STAR: variants seen among roughly 807,000 people sequenced by gnomAD.
The protein encoded by STAR is steroidogenic acute regulatory protein.
Under a neutral mutation model 32.3 loss-of-function variants are expected in STAR, and 32 were observed. That is an observed-to-expected ratio of 0.99 (90% CI 0.75 to 1.33). The LOEUF is 1.33. Ranked by LOEUF, STAR falls within the 40% of genes most tolerant of loss-of-function variation. STAR has a pLI of 0.00. For missense variants in STAR, 375 were observed against 379.0 expected (o/e 0.99, Z 0.09); for synonymous variants, 134 against 140.5 (o/e 0.95, Z 0.33).
Position 38,144,278 on chromosome 8 carries a change from AC to A in STAR, c.852del (p.Arg284SerfsTer37). 6.2e-7 allele frequency: 1 copy of A among 1,608,328 alleles called. No homozygotes were observed. Among genetic ancestry groups the A allele is most frequent in the Non-Finnish European group, 8.5e-7 (1 of 1,177,540 alleles). On this transcript the variant is annotated frameshift_variant, in exon 7 of 7. Transcript: ENST00000276449. LOFTEE classifies it high-confidence loss of function. ...TGGGAACAGCAGGCTGGTCTTCAAC[AC>A]CTGGCTTCAGAGGCAGGGTGGGACT... ...RLESHPASEA[R>X]C
At chr8:38,147,567 A>G (rs1490271934) in intron 3 of STAR, among the ~76,000 whole-genome samples, 3 of 152,250 alleles carry the variant, frequency 2.0e-5, no homozygotes, top group African/African-American at 7.2e-5. Context: ...CTCCCAAACT[A>G]GTAGTCTGTT....
chr8:38,146,113 G>A lies in STAR; in HGVS notation c.500C>T (p.Thr167Ile). 1 of 1,614,158 alleles carries A rather than the reference G, an allele frequency of 6.2e-7. No individual in the cohort carries two copies. Among genetic ancestry groups the A allele is most frequent in the Non-Finnish European group, 8.5e-7 (1 of 1,180,004 alleles). Residue 167 changes from threonine (T) to isoleucine (I), a missense_variant, in exon 5 of 7, where the codon ACT becomes ATT. By Grantham distance (89) the Thr-to-Ile change is moderately conservative. Transcript: ENST00000276449. Reference sequence around the variant, plus strand: ...TGCTGCCTCGGCAGCCAGCTCGTGAGTAATGAATGTATCTTTTCCGATCTT... The same window carrying A: ...TGCTGCCTCGGCAGCCAGCTCGTGAATAATGAATGTATCTTTTCCGATCTT... ...LQKIGKDTFI[T>I]HELAAEAAGN...
At chr8:38,144,737 C>T in intron 6 of STAR, 1 of 926,884 alleles carries the variant, frequency 1.1e-6, no homozygotes, top group Non-Finnish European at 1.4e-6. Context: ...CAGAAGAGGG[C>T]CAGGCGCAGT....
At chr8:38,146,579 C>T (rs1802578350) in intron 3 of STAR, 132 bp from the exon 4 acceptor site, 1 of 957,492 alleles carries the variant, frequency 1.0e-6, no homozygotes, top group Non-Finnish European at 1.6e-6. Flanking sequence ...AGTTCGAGAC[C>T]AGCCTGGCCA....
chr8:38,143,017 C>T lies in STAR; in HGVS notation c.*1256G>A, dbSNP rs1802493610. On this transcript the variant is annotated 3_prime_UTR_variant, in exon 7 of 7. Coordinates refer to ENST00000276449, the MANE Select transcript of STAR (RefSeq NM_000349.3). Reference sequence around the variant, plus strand: ...AATGTTAACTAATATTGTTTATCCTCTCATATTTGGCACTGCCTTTCCTTT... The same window carrying T: ...AATGTTAACTAATATTGTTTATCCTTTCATATTTGGCACTGCCTTTCCTTT... Among the ~76,000 whole-genome samples the T allele has an allele frequency of 6.6e-6, 1 of 152,286 alleles. No homozygotes were observed. The highest frequency in any genetic ancestry group is 2.4e-5 in the African/African-American group (1 of 41,564).
Position 38,148,221 on chromosome 8 carries a change from G to A in STAR, c.285C>T (p.Gly95=). The A allele has an allele frequency of 6.2e-7, 1 of 1,614,026 alleles. No individual in the cohort carries two copies. Among genetic ancestry groups the A allele is most frequent in the Non-Finnish European group, 8.5e-7 (1 of 1,179,974 alleles). The part of the protein sequence containing the change: ...KALGILSNQE[G]WKKESQQDNG... ...TTACCTGCTGACTCTCCTTCTTCCA[G>A]CCCTCTTGGTTGCTAAGGATGCCCA... is the stretch of plus-strand genomic sequence containing the variant. The change falls in exon 3 of 7, where the codon GGC becomes GGT. Residue 95 remains glycine, a synonymous_variant. Coordinates refer to ENST00000276449, the MANE Select transcript of STAR (RefSeq NM_000349.3).
At position 38,143,230 on chromosome 8, in the gene STAR, GC is replaced by G. The variant is rs762687747; in HGVS notation, c.*1042del. Among the ~76,000 whole-genome samples, 2 of 151,816 alleles carry G rather than the reference GC, an allele frequency of 1.3e-5. No homozygotes were observed. Among genetic ancestry groups the G allele is most frequent in the Non-Finnish European group, 2.9e-5 (2 of 67,984 alleles). ...CCAGTAGTTCCTTTCCTTTTAATGAGCCTTAATTTAGTTTGACTAATTAAAA... is the reference window on the plus strand; with the variant it reads ...CCAGTAGTTCCTTTCCTTTTAATGAGCTTAATTTAGTTTGACTAATTAAAA... On this transcript the variant is annotated 3_prime_UTR_variant, in exon 7 of 7. Transcript: ENST00000276449.
At chr8:38,150,526 A>G (rs1802649180) in intron 1 of STAR, among the ~76,000 whole-genome samples, 1 of 152,032 alleles carries the variant, frequency 6.6e-6, no homozygotes, top group Non-Finnish European at 1.5e-5. Flanking sequence ...AGAAAAGGAG[A>G]AAAAAAGATT....
In STAR at chr8:38,144,087, T is replaced by A. The variant is rs1335735433; in HGVS notation, c.*186A>T. ...GTTACCTTTTAATCCAAGAGCCTCA[T>A]CCCTGTTTTCTTGGTACTAAAAACT... On this transcript the variant is annotated 3_prime_UTR_variant, in exon 7 of 7. Transcript: ENST00000276449. 9.3e-6 allele frequency: 6 copies of A among 647,762 alleles called. No homozygotes were observed. The highest frequency in any genetic ancestry group is 1.7e-5 in the Non-Finnish European group (6 of 354,922). The allele number at this position is 647,762 out of a possible 1,614,324, so 40.1% of individuals were successfully genotyped here.
At position 38,146,282 on chromosome 8, in the gene STAR, T is replaced by G. The variant is rs769887682; in HGVS notation, c.465+7A>C. The stretch of plus-strand genomic sequence containing the variant: ...GCCCCTGCCACCTGCACCTGGACTT[T>G]GCTCACCTTGATCTCCTTGACATTG... On this transcript the variant is annotated splice_region_variant and intron_variant, in intron 4 of 6. Transcript: ENST00000276449. 1 of 1,613,990 alleles carries G rather than the reference T, an allele frequency of 6.2e-7. No individual in the cohort carries two copies. Among genetic ancestry groups the G allele is most frequent in the South Asian group, 1.1e-5 (1 of 91,088 alleles).
At chr8:38,145,467 G>A in intron 5 of STAR, 152 bp from the exon 6 acceptor site, 7 of 1,044,238 alleles carry the variant, frequency 6.7e-6, no homozygotes, top group Non-Finnish European at 8.6e-6. Flanking sequence ...GTAATTATTT[G>A]GCAGTTGGCA....
In STAR at chr8:38,148,632, A is replaced by G. The variant is rs777624416; in HGVS notation, c.178+9T>C. On this transcript the variant is annotated intron_variant, in intron 2 of 6. Transcript: ENST00000276449. ...GCAGCACCAGGAGCCCAGAAGCCTC[A>G]GCACTTACCGAGTAGAGAGCTCCGC... The G allele has an allele frequency of 6.6e-5, 106 of 1,613,426 alleles. No homozygotes were observed. Among genetic ancestry groups the G allele is most frequent in the Non-Finnish European group, 8.7e-5 (103 of 1,179,546 alleles).
intron 6 of STAR, 100 bp downstream of exon 6, chr8:38,145,122 C>T (rs1802543593): frequency 1.9e-6 from 3 of 1,565,000 alleles, no homozygotes; most frequent in Non-Finnish European, 8.6e-7. Flanking sequence ...GTGATTCTAT[C>T]AGAATAGAAG....
At position 38,148,222 on chromosome 8, in the gene STAR, C is replaced by T; in HGVS notation, c.284G>A (p.Gly95Asp). ...TACCTGCTGACTCTCCTTCTTCCAG[C>T]CCTCTTGGTTGCTAAGGATGCCCAA... ...KALGILSNQE[G>D]WKKESQQDNG... The change falls in exon 3 of 7, where the codon GGC (glycine) becomes GAC (aspartate). Residue 95 changes from glycine to aspartate, a missense_variant. Gly to Asp is a moderately conservative substitution (Grantham distance 94, BLOSUM62 -1). Transcript: ENST00000276449. The T allele has an allele frequency of 6.2e-7, 1 of 1,614,098 alleles. No individual in the cohort carries two copies. The highest frequency in any genetic ancestry group is 8.5e-7 in the Non-Finnish European group (1 of 1,179,996).
At chr8:38,147,563 A>T (rs1802595247) in intron 3 of STAR, among the ~76,000 whole-genome samples, 1 of 152,236 alleles carries the variant, frequency 6.6e-6, no homozygotes, top group African/African-American at 2.4e-5. Context: ...TTGGCTCCCA[A>T]ACTAGTAGTC....
intron 3 of STAR, among the ~76,000 whole-genome samples, chr8:38,147,196 C>G (rs1393139324): frequency 6.6e-6 from 1 of 151,938 alleles, no homozygotes; most frequent in African/African-American, 2.4e-5. Flanking sequence ...CTGTGTTGCC[C>G]AGGCTGGTCT....
intron 6 of STAR, chr8:38,144,833 AC>A (rs1485524434): frequency 3.6e-6 from 2 of 552,168 alleles, no homozygotes; most frequent in Non-Finnish European, 5.5e-6. Flanking sequence ...CCATAGTGAA[AC>A]CCCGTCTCTA....
chr8:38,144,754 C>G, intron 6 of STAR: 1 of 762,338 alleles, frequency 1.3e-6, no homozygotes, highest in South Asian at 1.9e-5. Context: ...CAGTGGCTCA[C>G]GCCTGTAATC....
At chr8:38,145,182 C>A in intron 6 of STAR, 40 bp downstream of exon 6, 1 of 1,613,756 alleles carries the variant, frequency 6.2e-7, no homozygotes, top group South Asian at 1.1e-5. Context: ...GTTTTTCTCA[C>A]TACCACCTGC....
Sources: allele counts gnomAD v4.1 joint callset (sites outside exome capture counted in the v4.1 genomes callset), GRCh38; gene constraint gnomAD v4.1.1; transcripts MANE v1.5; gene names NCBI Gene and HGNC (gene_info 2026-07-23, HGNC 2026-07-21).